Variants in POLR2C observed in about 807,000 individuals in gnomAD.
The protein encoded by POLR2C is RNA polymerase II subunit C.
In POLR2C, 36 loss-of-function variants were observed where a neutral mutation model predicts 41.7. That is an observed-to-expected ratio of 0.86 (90% confidence interval 0.66 to 1.14). POLR2C has a LOEUF of 1.14. POLR2C is among the 50% of genes most tolerant of loss of function. The probability of loss-of-function intolerance (pLI) is 0.00; values close to 1 mark genes in which losing one functional copy is unlikely to be tolerated. For missense variants in POLR2C, 260 were observed against 350.4 expected (o/e 0.74, Z 2.06); for synonymous variants, 133 against 137.8 (o/e 0.96, Z 0.25).
intron 3 of POLR2C, 71 bp from the exon 4 acceptor site, chr16:57,466,104 A>G (rs1376750678): frequency 6.9e-7 from 1 of 1,450,130 alleles, no homozygotes. Context: ...CCTCACCCCC[A>G]GAAGGCTTCT....
chr16:57,470,198 T>C (rs1797278601), intron 7 of POLR2C, 69 bp downstream of exon 7: 3 of 1,593,470 alleles, frequency 1.9e-6, no homozygotes, highest in African/African-American at 1.4e-5. Context: ...TGTTGTTGAC[T>C]GAGATGTGGC....
rs115083052 is a variant in POLR2C, at chr16:57,469,825, G to A, written c.439+64G>A. ...AAGGAGGGACCAGACACAGCCTCTCGTGCTGCCTGGTCTCCTCGAAAATTG... is the reference window on the plus strand; with the variant it reads ...AAGGAGGGACCAGACACAGCCTCTCATGCTGCCTGGTCTCCTCGAAAATTG... On this transcript the variant is annotated intron_variant, in intron 6 of 8. Transcript: ENST00000219252. The surrounding 1 kb of genome is among the most constrained non-coding windows in gnomAD (Gnocchi z 5.8). 4,699 of 1,573,704 alleles carry A rather than the reference G, an allele frequency of 3.0e-3. 108 individuals carry two copies. In the African/African-American group the frequency reaches 0.052, roughly 17 times the overall value.
In POLR2C at chr16:57,470,073, T is replaced by G; in HGVS notation, c.552T>G (p.Phe184Leu). 2.5e-6 allele frequency: 4 copies of G among 1,614,192 alleles called. No individual in the cohort carries two copies. Among genetic ancestry groups the G allele is most frequent in the Non-Finnish European group, 3.4e-6 (4 of 1,180,040 alleles). Residue 184 changes from phenylalanine (F) to leucine (L), a missense_variant, in exon 7 of 9, where the codon TTT becomes TTG. By Grantham distance (22) the Phe-to-Leu change is conservative. Coordinates refer to ENST00000219252, the MANE Select transcript of POLR2C (RefSeq NM_032940.3). ...AKWNPTAGVAFEYDPDNALRH... is the reference protein window; with the variant it reads ...AKWNPTAGVALEYDPDNALRH... ...GGAACCCTACTGCAGGGGTGGCTTT[T>G]GAATACGATCCAGACAATGCCCTGA...
chr16:57,464,163 G>A (rs1425080507), intron 2 of POLR2C: 1 of 152,808 alleles, frequency 6.5e-6, no homozygotes, highest in Admixed American at 6.5e-5. Context: ...ATCCATATAA[G>A]TGCTTTGTGT....
intron 7 of POLR2C, 50 bp from the exon 8 acceptor site, chr16:57,470,230 G>A (rs1401597644): frequency 6.3e-7 from 1 of 1,598,496 alleles, no homozygotes; most frequent in South Asian, 1.1e-5. Flanking sequence ...GAACTTGGGT[G>A]CCCCAAAAGG....
chr16:57,465,887 C>T (rs2030694501), intron 2 of POLR2C, 66 bp from the exon 3 acceptor site: 1 of 972,992 alleles, frequency 1.0e-6, no homozygotes, highest in Admixed American at 1.7e-5. Context: ...ATCTTGAGAA[C>T]CACTGCATTA....
intron 2 of POLR2C, 142 bp downstream of exon 2, chr16:57,463,220 C>G: frequency 1.3e-6 from 1 of 755,024 alleles, no homozygotes. Flanking sequence ...GAGACTTGAC[C>G]ATACCCTGTG....
chr16:57,463,706 G>T (rs1277606112), intron 2 of POLR2C: 1 of 447,340 alleles, frequency 2.2e-6, no homozygotes, highest in Non-Finnish European at 4.5e-6. Context: ...CACTTTGGGA[G>T]GCCAAGACTG....
chr16:57,463,808 T>G, intron 2 of POLR2C: 1 of 337,122 alleles, frequency 3.0e-6, no homozygotes, highest in Non-Finnish European at 5.9e-6. Flanking sequence ...CCAGGTGTGG[T>G]GGCTCCCACC....
At chr16:57,463,418 T>G (rs2030629405) in intron 2 of POLR2C, 1 of 428,328 alleles carries the variant, frequency 2.3e-6, no homozygotes. Flanking sequence ...AAGGGGTACA[T>G]TGGTGCAGGT....
chr16:57,470,493 C>A, intron 8 of POLR2C, 139 bp downstream of exon 8: 1 of 655,858 alleles, frequency 1.5e-6, no homozygotes, highest in Non-Finnish European at 2.7e-6. Flanking sequence ...CTAAACTAGA[C>A]CTGTGGTATG....
rs1567582640 is a variant in POLR2C at position 57,463,022 on chromosome 16, C to T, written c.87-7C>T. On this transcript the variant is annotated splice_region_variant and splice_polypyrimidine_tract_variant and intron_variant, in intron 1 of 8. Transcript: ENST00000219252. ...GCCTTCACGCCCCTTGGCTTTTGAT[C>T]TTTCAGGGTGGCCAATTCGATTCGG... is the stretch of plus-strand genomic sequence containing the variant. 4.3e-6 allele frequency: 7 copies of T among 1,611,748 alleles called. No homozygotes were observed. Among genetic ancestry groups the T allele is most frequent in the Admixed American group, 3.3e-5 (2 of 59,916 alleles).
chr16:57,469,299 T>A lies in POLR2C; in HGVS notation c.387+6T>A. On this transcript the variant is annotated splice_donor_region_variant and intron_variant, in intron 5 of 8. Coordinates refer to ENST00000219252, the MANE Select transcript of POLR2C (RefSeq NM_032940.3). The surrounding 1 kb of genome is among the most constrained non-coding windows in gnomAD (Gnocchi z 5.8). ...ACAGCCCCCGGGTCATTCCGGTCAGTGCGGGAGAGCATCCTCTTTTCCCTG... is the reference window on the plus strand; with the variant it reads ...ACAGCCCCCGGGTCATTCCGGTCAGAGCGGGAGAGCATCCTCTTTTCCCTG... 2 of 1,612,628 alleles carry A rather than the reference T, an allele frequency of 1.2e-6. No individual in the cohort carries two copies. Among genetic ancestry groups the A allele is most frequent in the Non-Finnish European group, 1.7e-6 (2 of 1,179,948 alleles).
rs1328900666 is a variant in POLR2C, at chr16:57,471,682, C to T, written c.*563C>T. ...CACCAAATAAACATGATATTTCATT[C>T]TCTGTCCAGCAGTCATGAACCCCTT... On this transcript the variant is annotated 3_prime_UTR_variant, in exon 9 of 9. Transcript: ENST00000219252. 2.7e-5 allele frequency: 4 copies of T among 148,520 alleles called. No homozygotes were observed. The highest frequency in any genetic ancestry group is 4.4e-5 in the Non-Finnish European group (3 of 67,692). 9.2% of individuals were successfully genotyped at this position (148,520 alleles called of 1,614,324 possible).
intron 4 of POLR2C, among the ~76,000 whole-genome samples, chr16:57,468,193 AT>A (rs1361338241): frequency 6.6e-6 from 1 of 152,024 alleles, no homozygotes; most frequent in Admixed American, 6.5e-5. Context: ...ATTTTTTTGT[AT>A]TTTTTGTAGA....
At chr16:57,463,841 G>A (rs1050350451) in intron 2 of POLR2C, 1 of 314,746 alleles carries the variant, frequency 3.2e-6, no homozygotes, top group South Asian at 2.4e-5. Context: ...TACTGGGGAG[G>A]CTGAGGCAGA....
In POLR2C at chr16:57,465,597, G is replaced by A. The variant is rs2030685949; in HGVS notation, c.137-356G>A. The A allele has an allele frequency of 2.7e-5, 6 of 219,408 alleles. No homozygotes were observed. In the South Asian group the frequency reaches 3.9e-4, roughly 14 times the overall value. The allele number at this position is 219,408 out of a possible 1,614,324, so 13.6% of individuals were successfully genotyped here. On this transcript the variant is annotated intron_variant, in intron 2 of 8. Coordinates refer to ENST00000219252, the MANE Select transcript of POLR2C (RefSeq NM_032940.3). The stretch of plus-strand genomic sequence containing the variant: ...GTGAGGGTTTCCCTGACTTTGAAGT[G>A]CTCAAATAGTTCATGTTCTTGGATT...
chr16:57,463,578 T>C (rs1018987099), intron 2 of POLR2C: 4 of 438,790 alleles, frequency 9.1e-6, no homozygotes, highest in Non-Finnish European at 1.8e-5. Context: ...GTGTTTATTG[T>C]CATCTTTATG....
chr16:57,465,487 TTGAG>T (rs1441872844), intron 2 of POLR2C, among the ~76,000 whole-genome samples: 2 of 152,194 alleles, frequency 1.3e-5, no homozygotes, highest in Admixed American at 6.5e-5. Flanking sequence ...CATTTGTTGA[TTGAG>T]TGTTTAAAAA....
Sources: gnomAD v4.1 joint callset for allele counts (sites outside exome capture counted in the v4.1 genomes callset) on GRCh38, gnomAD v4.1.1 for gene constraint, Gnocchi (gnomAD v3.1) non-coding constraint, MANE v1.5 for transcripts, NCBI Gene and HGNC (gene_info 2026-07-23, HGNC 2026-07-21) for gene names.